Variants in DCC observed in about 807,000 individuals in gnomAD.
DCC encodes the protein netrin receptor DCC.
In DCC, 58 loss-of-function variants were observed where a neutral mutation model predicts 172.5. That is an observed-to-expected ratio of 0.34 (90% confidence interval 0.27 to 0.42). The LOEUF (loss-of-function observed/expected upper bound fraction) is 0.42, where lower values mean the gene tolerates loss of function less well. Among genes scored for constraint, DCC ranks in the 10% least tolerant of loss-of-function variants. The pLI is 1.00. For synonymous variants in DCC, 709 were observed against 644.5 expected, an observed-to-expected ratio of 1.10 and a Z score of -1.52; for missense variants, 1,740 against 1,791.0, an observed-to-expected ratio of 0.97 and a Z score of 0.51.
intron 2 of DCC, among the ~76,000 whole-genome samples, chr18:52,775,596 C>T (rs931435365): frequency 2.0e-5 from 3 of 152,224 alleles, no homozygotes; most frequent in Non-Finnish European, 4.4e-5. Flanking sequence ...TTTCCTCCAA[C>T]TGCCGGGTCA....
intron 1 of DCC, among the ~76,000 whole-genome samples, chr18:52,514,575 C>T (rs749466899): frequency 6.6e-6 from 1 of 152,226 alleles, no homozygotes; most frequent in Admixed American, 6.5e-5. Context: ...TATTTGTATG[C>T]ATGAGACTGC....
At chr18:53,006,121 C>T (rs1210093948) in intron 5 of DCC, among the ~76,000 whole-genome samples, 5 of 152,192 alleles carry the variant, frequency 3.3e-5, no homozygotes, top group Admixed American at 2.6e-4. Flanking sequence ...TGCTTTCATG[C>T]TCATTTTCTT....
chr18:53,425,929 A>G (rs1048242588), intron 21 of DCC, among the ~76,000 whole-genome samples: 3 of 152,086 alleles, frequency 2.0e-5, no homozygotes, highest in South Asian at 2.1e-4. Context: ...AATTAGTCAG[A>G]GTTTTGCTTA....
At chr18:53,179,199 G>T in intron 9 of DCC, 83 bp downstream of exon 9, 1 of 1,380,304 alleles carries the variant, frequency 7.2e-7, no homozygotes, top group Non-Finnish European at 1.0e-6. Flanking sequence ...CAGAACCTTT[G>T]CGAAGTGACA....
chr18:53,403,772 G>A (rs1327469824), intron 19 of DCC, among the ~76,000 whole-genome samples: 3 of 152,058 alleles, frequency 2.0e-5, no homozygotes, highest in African/African-American at 7.2e-5. Context: ...CAGCCGTCCC[G>A]TGATACAGAG....
chr18:52,940,729 T>G (rs1490668778), intron 5 of DCC, among the ~76,000 whole-genome samples: 2 of 152,226 alleles, frequency 1.3e-5, no homozygotes, highest in African/African-American at 4.8e-5. Flanking sequence ...CTCTTTCTGC[T>G]ATCACTTATT....
intron 27 of DCC, among the ~76,000 whole-genome samples, chr18:53,511,876 G>A (rs528200838): frequency 2.0e-5 from 3 of 152,336 alleles, no homozygotes; most frequent in Admixed American, 6.5e-5. Flanking sequence ...CAAGGCGGCA[G>A]CGAGGCTGGG....
At chr18:52,477,759 C>G (rs1424449267) in intron 1 of DCC, among the ~76,000 whole-genome samples, 6 of 152,170 alleles carry the variant, frequency 3.9e-5, no homozygotes, top group African/African-American at 1.4e-4. Flanking sequence ...AACTCTCCAG[C>G]TCTTGTGAGA....
intron 7 of DCC, among the ~76,000 whole-genome samples, chr18:53,121,470 A>C (rs1232132488): frequency 6.6e-6 from 1 of 151,924 alleles, no homozygotes; most frequent in African/African-American, 2.4e-5. Context: ...AAGTGGTCAG[A>C]CAACCTCTAT....
In DCC at chr18:52,923,977, A is replaced by G; in HGVS notation, c.848+120A>G. 6 of 764,142 alleles carry G rather than the reference A, an allele frequency of 7.9e-6. 1 individual carries two copies. The South Asian group carries it at 9.0e-5, about 11-fold the overall frequency. The allele number at this position is 764,142 out of a possible 1,614,324, so 47.3% of individuals were successfully genotyped here. ...CTAGGGTTTTTCATAATAATTGAATATTTTTCCACATTTCTTGGCATGATA... is the reference window on the plus strand; with the variant it reads ...CTAGGGTTTTTCATAATAATTGAATGTTTTTCCACATTTCTTGGCATGATA... On this transcript the variant is annotated intron_variant, in intron 4 of 28. Coordinates refer to ENST00000442544, the MANE Select transcript of DCC (RefSeq NM_005215.4).
intron 2 of DCC, among the ~76,000 whole-genome samples, chr18:52,808,137 T>C (rs2038122323): frequency 6.6e-6 from 1 of 152,136 alleles, no homozygotes; most frequent in Admixed American, 6.6e-5. Flanking sequence ...AGGTGCCTAA[T>C]AAGAACTAGT....
intron 15 of DCC, among the ~76,000 whole-genome samples, chr18:53,359,518 T>C (rs1034878138): frequency 1.3e-5 from 2 of 152,138 alleles, no homozygotes; most frequent in African/African-American, 4.8e-5. Flanking sequence ...TGCAGCTACA[T>C]TGTAGTTGTA....
chr18:53,036,518 C>T (rs538991641), intron 5 of DCC, among the ~76,000 whole-genome samples: 3 of 152,132 alleles, frequency 2.0e-5, no homozygotes, highest in East Asian at 1.9e-4. Context: ...TTTCAGATAA[C>T]GTTCCTTCTG....
chr18:53,297,158 A>G (rs2057077381), intron 12 of DCC, among the ~76,000 whole-genome samples: 1 of 151,948 alleles, frequency 6.6e-6, no homozygotes, highest in Non-Finnish European at 1.5e-5. Context: ...CTCACTTACT[A>G]CTCTTGTACG....
chr18:53,272,481 G>A (rs2056760285), intron 12 of DCC, among the ~76,000 whole-genome samples: 1 of 152,022 alleles, frequency 6.6e-6, no homozygotes, highest in African/African-American at 2.4e-5. Flanking sequence ...TTTTCAAAGA[G>A]GTATGCGTAT....
At chr18:53,305,848 G>T in intron 13 of DCC, 129 bp downstream of exon 13, 1 of 886,856 alleles carries the variant, frequency 1.1e-6, no homozygotes, top group South Asian at 1.4e-5. Flanking sequence ...TCTATTGGCT[G>T]GAACAAGAAC....
chr18:52,443,308 G>T (rs1394845540), intron 1 of DCC, among the ~76,000 whole-genome samples: 2 of 152,152 alleles, frequency 1.3e-5, no homozygotes, highest in African/African-American at 4.8e-5. Flanking sequence ...ATATTGAGGA[G>T]CCCCTAAGCA....
intron 15 of DCC, among the ~76,000 whole-genome samples, chr18:53,370,523 A>G (rs1038729261): frequency 6.6e-6 from 1 of 151,768 alleles, no homozygotes; most frequent in East Asian, 1.9e-4. Flanking sequence ...TTACAGCTGT[A>G]AACTTTACCC....
At chr18:52,363,744 C>T (rs1175102462) in intron 1 of DCC, among the ~76,000 whole-genome samples, 1 of 152,174 alleles carries the variant, frequency 6.6e-6, no homozygotes, top group East Asian at 1.9e-4. Context: ...AGCATACTTC[C>T]TCACTGATTG....
Sources: gnomAD v4.1 joint callset for allele counts (sites outside exome capture counted in the v4.1 genomes callset) on GRCh38, gnomAD v4.1.1 for gene constraint, MANE v1.5 for transcripts, NCBI Gene and HGNC (gene_info 2026-07-23, HGNC 2026-07-21) for gene names.